Variants in PDE3A observed in about 807,000 individuals in gnomAD.
PDE3A encodes cGMP-inhibited 3',5'-cyclic phosphodiesterase 3A.
In PDE3A, 43 loss-of-function variants were observed where a neutral mutation model predicts 98.3. The observed-to-expected ratio is 0.44, with a 90% CI of 0.34 to 0.56. The LOEUF is 0.56. Among genes scored for constraint, PDE3A ranks in the 20% least tolerant of loss-of-function variants. PDE3A has a pLI of 0.01. For missense variants in PDE3A, 1,427 were observed against 1,440.7 expected, an observed-to-expected ratio of 0.99 and a Z score of 0.15; for synonymous variants, 663 against 567.9, an observed-to-expected ratio of 1.17 and a Z score of -2.38.
At chr12:20,477,144 C>T (rs1945545122) in intron 1 of PDE3A, among the ~76,000 whole-genome samples, 1 of 152,070 alleles carries the variant, frequency 6.6e-6, no homozygotes, top group Non-Finnish European at 1.5e-5. Flanking sequence ...TTTCTTATTG[C>T]TAGAGTACAA....
At chr12:20,419,892 C>G (rs545383217) in intron 1 of PDE3A, among the ~76,000 whole-genome samples, 10 of 152,026 alleles carry the variant, frequency 6.6e-5, no homozygotes, top group African/African-American at 2.4e-4. Context: ...ATGTGTGCCA[C>G]CATGCCTGGC....
Position 20,434,187 on chromosome 12 carries a change from G to A in PDE3A, c.960+63943G>A, listed in dbSNP as rs189210697. ...GAAGGTGACTTTTTTTTTTTCCTGC[G>A]TTTCAGCTGAGTTTCTCTTACAATA... On this transcript the variant is annotated intron_variant, in intron 1 of 15. Coordinates refer to ENST00000359062, the MANE Select transcript of PDE3A (RefSeq NM_000921.5). Among the ~76,000 whole-genome samples the A allele has an allele frequency of 4.3e-3, 650 of 149,830 alleles. 1 individual carries two copies. The highest frequency in any genetic ancestry group is 7.0e-3 in the Non-Finnish European group (474 of 67,578).
chr12:20,599,708 ATGC>A (rs1237616111), intron 2 of PDE3A, among the ~76,000 whole-genome samples: 1 of 152,020 alleles, frequency 6.6e-6, no homozygotes, highest in Non-Finnish European at 1.5e-5. Context: ...TTCAGCATTT[ATGC>A]TGTTCACATG....
chr12:20,587,291 C>T (rs563770966), intron 2 of PDE3A, among the ~76,000 whole-genome samples: 3 of 152,136 alleles, frequency 2.0e-5, no homozygotes, highest in Admixed American at 6.5e-5. Flanking sequence ...ATCGCTTGAA[C>T]GCGGGAGGCA....
At position 20,461,143 on chromosome 12, in the gene PDE3A, C is replaced by T. The variant is rs1945241258; in HGVS notation, c.960+90899C>T. Among the ~76,000 whole-genome samples the T allele has an allele frequency of 2.0e-5, 3 of 149,440 alleles. No homozygotes were observed. In the South Asian group the frequency reaches 6.3e-4, roughly 32 times the overall value. On this transcript the variant is annotated intron_variant, in intron 1 of 15. Coordinates refer to ENST00000359062, the MANE Select transcript of PDE3A (RefSeq NM_000921.5). ...ACTGATTAAGATAAGGGGAGCAGATCTCACCTTGGAGCTAGGATGCTTTCA... is the reference window on the plus strand; with the variant it reads ...ACTGATTAAGATAAGGGGAGCAGATTTCACCTTGGAGCTAGGATGCTTTCA...
intron 1 of PDE3A, among the ~76,000 whole-genome samples, chr12:20,506,742 T>C (rs2121101584): frequency 6.6e-6 from 1 of 152,150 alleles, no homozygotes; most frequent in South Asian, 2.1e-4. Context: ...ATGAAACTTC[T>C]AAGGAAAGTA....
chr12:20,566,816 G>C (rs1227160527), intron 2 of PDE3A, among the ~76,000 whole-genome samples: 1 of 151,856 alleles, frequency 6.6e-6, no homozygotes, highest in East Asian at 1.9e-4. Flanking sequence ...TTGTTTGTTA[G>C]TGGGAATGAA....
chr12:20,497,834 A>G (rs966867268), intron 1 of PDE3A, among the ~76,000 whole-genome samples: 10 of 152,126 alleles, frequency 6.6e-5, no homozygotes, highest in African/African-American at 2.4e-4. Context: ...ATTACTCTAT[A>G]TATTACTCTT....
chr12:20,590,162 T>A (rs1304819459), intron 2 of PDE3A, among the ~76,000 whole-genome samples: 2 of 152,042 alleles, frequency 1.3e-5, no homozygotes, highest in Non-Finnish European at 2.9e-5. Flanking sequence ...ATGCATAAGC[T>A]CAGCCATGGA....
rs1003310668 is a variant in PDE3A at position 20,411,711 on chromosome 12, C to T, written c.960+41467C>T. On this transcript the variant is annotated intron_variant, in intron 1 of 15. Transcript: ENST00000359062. Reference sequence around the variant, plus strand: ...TTCTGGTTGTTGACAATAGGACTATCATGAATGGACCTCCATGGGTGGTTA... The same window carrying T: ...TTCTGGTTGTTGACAATAGGACTATTATGAATGGACCTCCATGGGTGGTTA... 2.0e-5 allele frequency among the ~76,000 whole-genome samples: 3 copies of T among 152,120 alleles called. No individual in the cohort carries two copies. In the South Asian group the frequency reaches 6.2e-4, roughly 32 times the overall value.
intron 15 of PDE3A, among the ~76,000 whole-genome samples, chr12:20,669,251 T>G (rs1945404241): frequency 6.6e-6 from 1 of 151,964 alleles, no homozygotes. Flanking sequence ...ATGGGGAGAA[T>G]GGAACCAAGT....
intron 1 of PDE3A, among the ~76,000 whole-genome samples, chr12:20,448,419 CAACA>C (rs1201292476): frequency 6.6e-6 from 1 of 152,064 alleles, no homozygotes; most frequent in Non-Finnish European, 1.5e-5. Flanking sequence ...ACAGCCTGGG[CAACA>C]AGAGCGAAAC....
intron 2 of PDE3A, among the ~76,000 whole-genome samples, chr12:20,557,385 C>T (rs2121273692): frequency 6.6e-6 from 1 of 152,244 alleles, no homozygotes; most frequent in South Asian, 2.1e-4. Context: ...AATTATTTCT[C>T]CTCCTAGAGC....
At chr12:20,390,479 G>T (rs1319479178) in intron 1 of PDE3A, among the ~76,000 whole-genome samples, 1 of 146,928 alleles carries the variant, frequency 6.8e-6, no homozygotes, top group Non-Finnish European at 1.5e-5. Context: ...AAAAACTGCA[G>T]TTGGGAGGAT....
chr12:20,418,867 T>C (rs1327251311), intron 1 of PDE3A, among the ~76,000 whole-genome samples: 1 of 152,198 alleles, frequency 6.6e-6, no homozygotes, highest in Admixed American at 6.5e-5. Flanking sequence ...ATTTTATACA[T>C]TAAAAGTCTG....
At chr12:20,520,042 G>C (rs985258908) in intron 1 of PDE3A, among the ~76,000 whole-genome samples, 2 of 152,110 alleles carry the variant, frequency 1.3e-5, no homozygotes, top group African/African-American at 2.4e-5. Context: ...TTCAGTGAGG[G>C]TACTAAGCTT....
chr12:20,474,292 T>C (rs1288268749), intron 1 of PDE3A, among the ~76,000 whole-genome samples: 2 of 152,228 alleles, frequency 1.3e-5, no homozygotes, highest in Non-Finnish European at 2.9e-5. Flanking sequence ...CTTCGTATTA[T>C]TTCATAAGAT....
At chr12:20,554,147 T>C (rs1942298630) in intron 1 of PDE3A, among the ~76,000 whole-genome samples, 1 of 151,392 alleles carries the variant, frequency 6.6e-6, no homozygotes, top group Admixed American at 6.6e-5. Context: ...TTACCAAAGT[T>C]TGCAGCCTAT....
At chr12:20,397,148 T>C (rs1944034121) in intron 1 of PDE3A, among the ~76,000 whole-genome samples, 1 of 152,142 alleles carries the variant, frequency 6.6e-6, no homozygotes, top group Non-Finnish European at 1.5e-5. Context: ...AATGTATGTT[T>C]GTAAGTACAT....
Sources: gnomAD v4.1 joint callset for allele counts (sites outside exome capture counted in the v4.1 genomes callset) on GRCh38, gnomAD v4.1.1 for gene constraint, MANE v1.5 for transcripts, NCBI Gene and HGNC (gene_info 2026-07-23, HGNC 2026-07-21) for gene names.